The following GPC5 variants were observed in gnomAD, a reference collection of about 807,000 sequenced individuals.
The protein encoded by GPC5 is glypican-5.
Under a neutral mutation model 53.9 loss-of-function variants are expected in GPC5, and 47 were observed. That is an observed-to-expected ratio of 0.87 (90% CI 0.69 to 1.11). The LOEUF is 1.11. Among genes scored for constraint, GPC5 ranks in the 50% most tolerant of loss-of-function variants. GPC5 has a pLI of 0.00. For missense variants in GPC5, 748 were observed against 713.1 expected, an observed-to-expected ratio of 1.05 and a Z score of -0.56; for synonymous variants, 286 against 263.3, an observed-to-expected ratio of 1.09 and a Z score of -0.84.
chr13:92,043,753 A>G (rs1416882716), intron 6 of GPC5, among the ~76,000 whole-genome samples: 6 of 152,214 alleles, frequency 3.9e-5, no homozygotes, highest in African/African-American at 9.6e-5. Flanking sequence ...TGGAAAAATC[A>G]TGTATATGTA....
chr13:92,333,972 A>G (rs1010993812), intron 7 of GPC5, among the ~76,000 whole-genome samples: 5 of 152,170 alleles, frequency 3.3e-5, no homozygotes, highest in African/African-American at 1.2e-4. Context: ...CAAAAAAACC[A>G]AATACTATGG....
chr13:91,542,387 C>A (rs769212074), intron 2 of GPC5, among the ~76,000 whole-genome samples: 33 of 152,180 alleles, frequency 2.2e-4, no homozygotes, highest in Non-Finnish European at 4.4e-4. Flanking sequence ...TCTCTTAGCT[C>A]ATAAAGTCTG....
At chr13:92,306,002 G>C (rs1013923252) in intron 7 of GPC5, among the ~76,000 whole-genome samples, 2 of 152,212 alleles carry the variant, frequency 1.3e-5, no homozygotes, top group Non-Finnish European at 2.9e-5. Context: ...GAAGCAGAGA[G>C]ATGGGAAAGT....
At chr13:92,591,572 A>T (rs908562600) in intron 7 of GPC5, among the ~76,000 whole-genome samples, 1 of 152,178 alleles carries the variant, frequency 6.6e-6, no homozygotes, top group Non-Finnish European at 1.5e-5. Context: ...ATTGATTACC[A>T]CACATAGTTG....
At chr13:91,906,120 G>A (rs772067573) in intron 5 of GPC5, among the ~76,000 whole-genome samples, 9 of 151,868 alleles carry the variant, frequency 5.9e-5, no homozygotes, top group Non-Finnish European at 1.0e-4. Flanking sequence ...TAGAATCTTC[G>A]GGGTGTGACC....
intron 5 of GPC5, among the ~76,000 whole-genome samples, chr13:91,840,068 G>A (rs1434890721): frequency 6.6e-6 from 1 of 151,582 alleles, no homozygotes; most frequent in African/African-American, 2.4e-5. Flanking sequence ...ATTAGACTTC[G>A]TTTCCCCCAT....
At chr13:92,553,980 A>G (rs925745192) in intron 7 of GPC5, among the ~76,000 whole-genome samples, 11 of 152,034 alleles carry the variant, frequency 7.2e-5, no homozygotes, top group Non-Finnish European at 4.4e-5. Flanking sequence ...TAACCAAAAT[A>G]GTAAAAATAT....
chr13:92,272,901 T>C (rs2042850482), intron 7 of GPC5, among the ~76,000 whole-genome samples: 1 of 152,038 alleles, frequency 6.6e-6, no homozygotes, highest in African/African-American at 2.4e-5. Flanking sequence ...TGGCCTCAAA[T>C]TGAGAAGGAT....
intron 2 of GPC5, among the ~76,000 whole-genome samples, chr13:91,624,084 A>G (rs537370627): frequency 1.2e-4 from 19 of 152,268 alleles, no homozygotes; most frequent in African/African-American, 4.6e-4. Context: ...CCAGATCAGC[A>G]AAACACTGGA....
chr13:92,012,414 C>T (rs1229445478), intron 6 of GPC5, among the ~76,000 whole-genome samples: 3 of 152,142 alleles, frequency 2.0e-5, no homozygotes, highest in South Asian at 2.1e-4. Flanking sequence ...TGTTTATCAT[C>T]CTGATTTTTT....
rs1288193052 is a variant in GPC5, at chr13:92,157,718, TTTTG to T, written c.1561+12733_1561+12736del. 1.6e-4 allele frequency among the ~76,000 whole-genome samples: 25 copies of T among 152,222 alleles called. 1 individual carries two copies. Among genetic ancestry groups the T allele is most frequent in the Admixed American group, 1.6e-3 (25 of 15,280 alleles). On this transcript the variant is annotated intron_variant, in intron 7 of 7. Coordinates refer to ENST00000377067, the MANE Select transcript of GPC5 (RefSeq NM_004466.6). ...GATTCTGGTGAGGTTTATCGTTATTTTTTGTTTAATGACCATTTTGTGTTTCCTC... is the reference window on the plus strand; with the variant it reads ...GATTCTGGTGAGGTTTATCGTTATTTTTTAATGACCATTTTGTGTTTCCTC...
intron 7 of GPC5, among the ~76,000 whole-genome samples, chr13:92,834,352 A>G (rs1878153659): frequency 6.6e-6 from 1 of 152,152 alleles, no homozygotes; most frequent in Admixed American, 6.5e-5. Context: ...AGCGGAACTG[A>G]AGTGTACCAC....
At chr13:92,700,242 T>C (rs1436232732) in intron 7 of GPC5, among the ~76,000 whole-genome samples, 3 of 149,992 alleles carry the variant, frequency 2.0e-5, no homozygotes, top group African/African-American at 7.4e-5. Flanking sequence ...GAGACTGGGA[T>C]TGCAACCCCT....
rs2039562654 is a variant in GPC5 at position 91,907,232 on chromosome 13, C to T, written c.1281-705C>T. On this transcript the variant is annotated intron_variant, in intron 5 of 7. Transcript: ENST00000377067. ...GATACTAGAATTCTTAACTCTAAGTCCCTCTATGCCTACAAAAAGAAATGT... is the reference window on the plus strand; with the variant it reads ...GATACTAGAATTCTTAACTCTAAGTTCCTCTATGCCTACAAAAAGAAATGT... Among the ~76,000 whole-genome samples, 2 of 148,870 alleles carry T rather than the reference C, an allele frequency of 1.3e-5. 1 individual carries two copies. Among genetic ancestry groups the T allele is most frequent in the South Asian group, 4.2e-4 (2 of 4,788 alleles).
chr13:92,138,552 A>T (rs1465179463), intron 6 of GPC5, among the ~76,000 whole-genome samples: 2 of 151,728 alleles, frequency 1.3e-5, no homozygotes, highest in Non-Finnish European at 2.9e-5. Context: ...AAAAAAAAAT[A>T]AAAATAAAAA....
chr13:92,160,828 G>A (rs2041982379), intron 7 of GPC5, among the ~76,000 whole-genome samples: 1 of 152,046 alleles, frequency 6.6e-6, no homozygotes, highest in Non-Finnish European at 1.5e-5. Context: ...GCATGCCATT[G>A]GTTTTTGAAC....
In GPC5 at chr13:91,433,994, G is replaced by A. The variant is rs1057447394; in HGVS notation, c.164-14767G>A. On this transcript the variant is annotated intron_variant, in intron 1 of 7. Transcript: ENST00000377067. ...TCACGTGTCTTTTGGCTGCATAAAT[G>A]TCTTCTTTTGAGAAGTGTCTGTTCA... is the stretch of plus-strand genomic sequence containing the variant. Among the ~76,000 whole-genome samples the A allele has an allele frequency of 3.3e-5, 5 of 152,294 alleles. No individual in the cohort carries two copies. In the South Asian group the frequency reaches 8.3e-4, roughly 25 times the overall value.
intron 7 of GPC5, among the ~76,000 whole-genome samples, chr13:92,847,742 A>G (rs1420803246): frequency 1.3e-5 from 2 of 151,964 alleles, no homozygotes; most frequent in South Asian, 4.1e-4. Context: ...TTTTTTGTAT[A>G]TAGCTAACGT....
chr13:91,682,992 T>C (rs2035541733), intron 2 of GPC5, among the ~76,000 whole-genome samples: 1 of 151,584 alleles, frequency 6.6e-6, no homozygotes, highest in South Asian at 2.1e-4. Flanking sequence ...GCCCCAAAGA[T>C]ATCAGGGACA....
Sources: allele counts gnomAD v4.1 joint callset (sites outside exome capture counted in the v4.1 genomes callset), GRCh38; gene constraint gnomAD v4.1.1; transcripts MANE v1.5; gene names NCBI Gene and HGNC (gene_info 2026-07-23, HGNC 2026-07-21).